CDH13: variants seen among roughly 807,000 people sequenced by gnomAD.
The protein encoded by CDH13 is cadherin-13.
CDH13 carries 24 observed loss-of-function variants against 63.8 expected under a neutral mutation model. That is an observed-to-expected ratio of 0.38 (90% CI 0.27 to 0.53). The LOEUF is 0.53. CDH13 is among the 20% of genes least tolerant of loss of function. The pLI, the probability that CDH13 is intolerant of heterozygous loss-of-function variation, is 0.85. For missense variants in CDH13, 1,049 were observed against 903.1 expected, an observed-to-expected ratio of 1.16 and a Z score of -2.07; for synonymous variants, 503 against 355.3, an observed-to-expected ratio of 1.42 and a Z score of -4.67.
intron 4 of CDH13, among the ~76,000 whole-genome samples, chr16:83,169,889 T>C (rs2037848568): frequency 6.6e-6 from 1 of 152,160 alleles, no homozygotes; most frequent in Admixed American, 6.6e-5. Flanking sequence ...CATATATTTT[T>C]CTAAGTTTTT....
At chr16:82,938,742 G>C (rs2042743894) in intron 2 of CDH13, among the ~76,000 whole-genome samples, 1 of 152,196 alleles carries the variant, frequency 6.6e-6, no homozygotes, top group African/African-American at 2.4e-5. Flanking sequence ...AGTCAACGTA[G>C]GGTGCAGTAT....
chr16:82,784,314 G>A (rs938376694), intron 1 of CDH13, among the ~76,000 whole-genome samples: 1 of 152,176 alleles, frequency 6.6e-6, no homozygotes, highest in African/African-American at 2.4e-5. Context: ...CGCAGCATGT[G>A]GGAGAGGTTC....
intron 1 of CDH13, among the ~76,000 whole-genome samples, chr16:82,647,268 G>T (rs1231105756): frequency 6.6e-6 from 1 of 152,166 alleles, no homozygotes; most frequent in African/African-American, 2.4e-5. Context: ...AATAGAAGCT[G>T]GATGTGTTTA....
At chr16:82,769,408 C>T (rs2035177299) in intron 1 of CDH13, among the ~76,000 whole-genome samples, 1 of 152,092 alleles carries the variant, frequency 6.6e-6, no homozygotes, top group Admixed American at 6.5e-5. Flanking sequence ...ACTGTATCCT[C>T]CTGTGTTAGA....
intron 2 of CDH13, among the ~76,000 whole-genome samples, chr16:82,979,834 C>G (rs1297573905): frequency 6.6e-6 from 1 of 152,084 alleles, no homozygotes; most frequent in African/African-American, 2.4e-5. Context: ...CTAAAATTGG[C>G]AGGGGGAAAG....
At chr16:82,979,447 A>G (rs1426932642) in intron 2 of CDH13, among the ~76,000 whole-genome samples, 1 of 151,942 alleles carries the variant, frequency 6.6e-6, no homozygotes, top group African/African-American at 2.4e-5. Flanking sequence ...GGTGGGAGGG[A>G]CGTGGGGGGA....
intron 5 of CDH13, among the ~76,000 whole-genome samples, chr16:83,260,522 G>A (rs1387687860): frequency 5.3e-5 from 8 of 152,158 alleles, no homozygotes; most frequent in Non-Finnish European, 7.3e-5. Context: ...CTCAGTCTTC[G>A]AGGGAGTGCT....
intron 2 of CDH13, among the ~76,000 whole-genome samples, chr16:82,973,415 C>G (rs558011705): frequency 6.6e-6 from 1 of 152,192 alleles, no homozygotes; most frequent in Non-Finnish European, 1.5e-5. Context: ...ATATGAGACA[C>G]CCGCTCCAGA....
At chr16:83,523,131 T>C (rs1214711613) in intron 7 of CDH13, among the ~76,000 whole-genome samples, 1 of 152,214 alleles carries the variant, frequency 6.6e-6, no homozygotes, top group Non-Finnish European at 1.5e-5. Context: ...CTCATGCACC[T>C]GTCCAGGTTG....
intron 6 of CDH13, among the ~76,000 whole-genome samples, chr16:83,470,608 C>G (rs942419064): frequency 1.3e-5 from 2 of 152,082 alleles, no homozygotes; most frequent in Non-Finnish European, 1.5e-5. Flanking sequence ...TATGTCCACC[C>G]TACTCATTGG....
chr16:83,450,642 A>G (rs1422538665), intron 6 of CDH13, among the ~76,000 whole-genome samples: 1 of 152,190 alleles, frequency 6.6e-6, no homozygotes, highest in African/African-American at 2.4e-5. Context: ...AGGCCAAGGC[A>G]GGCAGATCAC....
At chr16:82,974,397 G>A (rs1014615752) in intron 2 of CDH13, among the ~76,000 whole-genome samples, 3 of 152,094 alleles carry the variant, frequency 2.0e-5, no homozygotes, top group Admixed American at 2.0e-4. Flanking sequence ...CTGAATAACT[G>A]CAGCAATACC....
intron 3 of CDH13, among the ~76,000 whole-genome samples, chr16:83,106,375 T>C (rs2034765407): frequency 6.6e-6 from 1 of 151,958 alleles, no homozygotes; most frequent in South Asian, 2.1e-4. Context: ...CTGTCTCTAC[T>C]AAAGATACAA....
chr16:82,813,952 A>G (rs2037576476), intron 1 of CDH13, among the ~76,000 whole-genome samples: 1 of 151,902 alleles, frequency 6.6e-6, no homozygotes, highest in Admixed American at 6.6e-5. Context: ...ACCTCATAAA[A>G]CCATTGTCGA....
At chr16:82,649,989 G>C (rs887412697) in intron 1 of CDH13, among the ~76,000 whole-genome samples, 1 of 152,126 alleles carries the variant, frequency 6.6e-6, no homozygotes, top group Non-Finnish European at 1.5e-5. Flanking sequence ...TGTTGCCTTA[G>C]TCATCACAAC....
chr16:83,057,129 G>T (rs1184230542), intron 3 of CDH13, among the ~76,000 whole-genome samples: 2 of 152,000 alleles, frequency 1.3e-5, no homozygotes, highest in African/African-American at 4.8e-5. Context: ...ACCACACCCA[G>T]CTAATTTTTA....
chr16:83,307,767 G>C (rs568625760), intron 5 of CDH13, among the ~76,000 whole-genome samples: 1 of 152,064 alleles, frequency 6.6e-6, no homozygotes, highest in Non-Finnish European at 1.5e-5. Flanking sequence ...TTTTTTCCCC[G>C]GAAATGTTAC....
chr16:83,463,964 C>G (rs1471451966), intron 6 of CDH13, among the ~76,000 whole-genome samples: 2 of 152,130 alleles, frequency 1.3e-5, no homozygotes, highest in African/African-American at 4.8e-5. Flanking sequence ...CTAAGGACCA[C>G]CACTTTTGTA....
At chr16:83,089,329 G>C (rs74033123) in intron 3 of CDH13, among the ~76,000 whole-genome samples, 1,751 of 152,266 alleles carry the variant, frequency 0.011, 29 homozygotes, top group African/African-American at 0.041. Context: ...TTGTATAATT[G>C]ATGTCATGGC....
Sources: gnomAD v4.1 joint callset for allele counts (sites outside exome capture counted in the v4.1 genomes callset) on GRCh38, gnomAD v4.1.1 for gene constraint, MANE v1.5 for transcripts, NCBI Gene and HGNC (gene_info 2026-07-23, HGNC 2026-07-21) for gene names.